The following KATNIP variants were observed in gnomAD, a reference collection of about 807,000 sequenced individuals.
KATNIP encodes the protein katanin interacting protein.
In KATNIP, 126 loss-of-function variants were observed where a neutral mutation model predicts 174.0. That is an observed-to-expected ratio of 0.72 (90% CI 0.63 to 0.84). KATNIP has a LOEUF of 0.84. KATNIP is among the 40% of genes least tolerant of loss of function. The pLI is 0.00. For missense variants in KATNIP, 1,958 were observed against 2,109.7 expected (o/e 0.93, Z 1.41); for synonymous variants, 810 against 835.7 (o/e 0.97, Z 0.53).
chr16:27,611,635 A>C (rs891843372), intron 2 of KATNIP, among the ~76,000 whole-genome samples: 2 of 152,186 alleles, frequency 1.3e-5, no homozygotes, highest in Admixed American at 6.5e-5. Context: ...GCAAGAAAGA[A>C]AATGATCCCA....
Position 27,631,087 on chromosome 16 carries a change from T to G in KATNIP, c.333T>G (p.Phe111Leu). 1 of 1,573,344 alleles carries G rather than the reference T, an allele frequency of 6.4e-7. No individual in the cohort carries two copies. The highest frequency in any genetic ancestry group is 1.8e-5 in the Admixed American group (1 of 54,150). The change falls in exon 5 of 28, where the codon TTT (phenylalanine) becomes TTG (leucine). Residue 111 changes from phenylalanine to leucine, a missense_variant. By Grantham distance (22) the Phe-to-Leu change is conservative. Around this residue, in one of 3 missense-constraint regions of KATNIP, gnomAD observed 1,557 missense variants for 1,617.8 expected, o/e 0.96. Coordinates refer to ENST00000261588, the MANE Select transcript of KATNIP (RefSeq NM_015202.5). ...GTHDYGRRTL[F>L]REAEEALRRS... The stretch of plus-strand genomic sequence containing the variant: ...CAGATTATGGACGAAGAACTCTGTT[T>G]CGAGAAGCTGAAGAAGCCTTAAGAC...
At chr16:27,557,511 G>A (rs548968428) in intron 1 of KATNIP, among the ~76,000 whole-genome samples, 9 of 149,420 alleles carry the variant, frequency 6.0e-5, no homozygotes, top group East Asian at 3.9e-4. Context: ...TCACTGGTGC[G>A]TCCATCTCCT....
rs2034977734 is a variant in KATNIP, at chr16:27,776,344, G to T, written c.4450-584G>T. ...CCCCTAATATCTGAGAGCTTTGGTTGGGGGTGGGGAGAGGGAGGGCTGTTT... is the reference window on the plus strand; with the variant it reads ...CCCCTAATATCTGAGAGCTTTGGTTTGGGGTGGGGAGAGGGAGGGCTGTTT... On this transcript the variant is annotated intron_variant, in intron 24 of 27. Transcript: ENST00000261588. The surrounding 1 kb of genome is among the most constrained non-coding windows in gnomAD (Gnocchi z 4.7). Among the ~76,000 whole-genome samples the T allele has an allele frequency of 1.3e-5, 2 of 152,088 alleles. No individual in the cohort carries two copies. The highest frequency in any genetic ancestry group is 2.9e-5 in the Non-Finnish European group (2 of 68,024).
At chr16:27,586,426 G>A (rs1291182146) in intron 2 of KATNIP, among the ~76,000 whole-genome samples, 1 of 151,838 alleles carries the variant, frequency 6.6e-6, no homozygotes, top group East Asian at 1.9e-4. Flanking sequence ...TGGCAACATA[G>A]TGAGACCCTG....
intron 10 of KATNIP, among the ~76,000 whole-genome samples, chr16:27,699,984 C>T (rs1313490349): frequency 2.0e-5 from 3 of 152,070 alleles, no homozygotes; most frequent in Non-Finnish European, 4.4e-5. Context: ...AATCTCGGCT[C>T]ACTACAACCT....
intron 1 of KATNIP, among the ~76,000 whole-genome samples, chr16:27,558,592 C>T (rs2089724794): frequency 6.6e-6 from 1 of 152,210 alleles, no homozygotes; most frequent in Admixed American, 6.5e-5. Context: ...TCCCCTTTCC[C>T]AAAGCAGTGT....
At position 27,740,914 on chromosome 16, in the gene KATNIP, A is replaced by T; in HGVS notation, c.2617A>T (p.Ser873Cys). The change falls in exon 15 of 28, where the codon AGC (serine) becomes TGC (cysteine). Residue 873 changes from serine to cysteine, a missense_variant. Around this residue, in one of 3 missense-constraint regions of KATNIP, gnomAD observed 1,557 missense variants for 1,617.8 expected, o/e 0.96. Transcript: ENST00000261588. ...TAGTCATGGGGACGACCAGCCAGCC[A>T]GCAGAGGTAAGCTCCAAAGAGCAGC... Reference protein sequence around the residue: ...SSSHGDDQPASREDTWSSRTP... With the variant: ...SSSHGDDQPACREDTWSSRTP... The T allele has an allele frequency of 6.3e-7, 1 of 1,590,100 alleles. No homozygotes were observed. Among genetic ancestry groups the T allele is most frequent in the African/African-American group, 1.3e-5 (1 of 74,868 alleles).
In KATNIP at chr16:27,597,402, CTTTTTTTTTTTTT is replaced by C. The variant is rs36005993; in HGVS notation, c.64-21006_64-20994del. 1.5e-4 allele frequency among the ~76,000 whole-genome samples: 7 copies of C among 46,144 alleles called. No individual in the cohort carries two copies. In the East Asian group the frequency reaches 3.7e-3, roughly 24 times the overall value. 30.3% of individuals were successfully genotyped at this position (46,144 alleles called of 152,430 possible). ...GGTATTTTTTAATGTATTTTCTTTT[CTTTTTTTTTTTTT>C]TTTTTTTTTTTTTTTTACCAGAAAT... On this transcript the variant is annotated intron_variant, in intron 2 of 27. Transcript: ENST00000261588.
At position 27,606,777 on chromosome 16, in the gene KATNIP, G is replaced by A. The variant is rs190562524; in HGVS notation, c.64-11648G>A. On this transcript the variant is annotated intron_variant, in intron 2 of 27. Coordinates refer to ENST00000261588, the MANE Select transcript of KATNIP (RefSeq NM_015202.5). ...AGTGGGATCTCACTATGTTGCCCAG[G>A]CTGGTCTCGATCTCCTGGGCTCAAG... is the stretch of plus-strand genomic sequence containing the variant. Among the ~76,000 whole-genome samples the A allele has an allele frequency of 1.1e-3, 172 of 151,740 alleles. 1 individual carries two copies. Among genetic ancestry groups the A allele is most frequent in the South Asian group, 0.01 (50 of 4,794 alleles).
intron 18 of KATNIP, chr16:27,757,535 C>T (rs1276443647): frequency 1.0e-6 from 1 of 985,096 alleles, no homozygotes; most frequent in African/African-American, 1.7e-5. Flanking sequence ...CAGCTCCTGA[C>T]CTTTCACAGA....
At chr16:27,715,309 T>C (rs562159304) in intron 13 of KATNIP, among the ~76,000 whole-genome samples, 1 of 152,278 alleles carries the variant, frequency 6.6e-6, no homozygotes, top group Non-Finnish European at 1.5e-5. Flanking sequence ...AAGACCTAAA[T>C]GTAAGAGCTA....
Position 27,567,138 on chromosome 16 carries a change from G to A in KATNIP, c.8-6763G>A, listed in dbSNP as rs58187197. On this transcript the variant is annotated intron_variant, in intron 1 of 27. Transcript: ENST00000261588. ...TGTGTTCTCTTTCCAGCAAGATTTG[G>A]GGTCCTGAGGTTCACGGAGGCTCCT... Among the ~76,000 whole-genome samples, 1,174 of 152,214 alleles carry A rather than the reference G, an allele frequency of 7.7e-3. 15 individuals are homozygous for A. The highest frequency in any genetic ancestry group is 0.027 in the African/African-American group (1,109 of 41,510).
chr16:27,561,538 G>C (rs926693347), intron 1 of KATNIP, among the ~76,000 whole-genome samples: 3 of 152,118 alleles, frequency 2.0e-5, no homozygotes, highest in Admixed American at 6.6e-5. Flanking sequence ...ACCACCCTTA[G>C]CAGTGGACCC....
In KATNIP at chr16:27,637,782, A is replaced by G. The variant is rs771504301; in HGVS notation, c.408+6620A>G. ...ACCACAGGAGGAAGTTTGGATTTCA[A>G]TCTAAATGTGAGAATTTCCAAGAGG... On this transcript the variant is annotated intron_variant, in intron 5 of 27. Transcript: ENST00000261588. The surrounding 1 kb of genome is among the most constrained non-coding windows in gnomAD (Gnocchi z 4.7). Among the ~76,000 whole-genome samples the G allele has an allele frequency of 1.8e-4, 27 of 152,194 alleles. No individual in the cohort carries two copies. The highest frequency in any genetic ancestry group is 2.0e-4 in the Admixed American group (3 of 15,284).
intron 2 of KATNIP, among the ~76,000 whole-genome samples, chr16:27,599,809 C>T (rs1596865450): frequency 1.3e-5 from 2 of 152,204 alleles, no homozygotes; most frequent in African/African-American, 4.8e-5. Context: ...CGTGGGCACG[C>T]GGTGTTTGTG....
intron 10 of KATNIP, among the ~76,000 whole-genome samples, chr16:27,700,987 G>T (rs2079077043): frequency 6.6e-6 from 1 of 152,146 alleles, no homozygotes; most frequent in Admixed American, 6.5e-5. Flanking sequence ...ATCGTCTGCA[G>T]ATGGACAGCA....
chr16:27,699,432 T>C, intron 9 of KATNIP, 102 bp from the exon 10 acceptor site: 1 of 1,535,634 alleles, frequency 6.5e-7, no homozygotes, highest in Non-Finnish European at 8.8e-7. Context: ...CTATGGTAGC[T>C]TGAGAAGGTC....
intron 21 of KATNIP, among the ~76,000 whole-genome samples, 154 bp from the exon 22 acceptor site, chr16:27,771,434 C>A (rs2082298119): frequency 6.6e-6 from 1 of 152,164 alleles, no homozygotes; most frequent in Non-Finnish European, 1.5e-5. Flanking sequence ...GCGGGAACTC[C>A]ACACGAGCAG....
At chr16:27,704,904 T>C (rs903394135) in intron 12 of KATNIP, among the ~76,000 whole-genome samples, 21 of 150,362 alleles carry the variant, frequency 1.4e-4, no homozygotes, top group Admixed American at 1.3e-3. Flanking sequence ...TTTCTTTTTT[T>C]TCTTTTTTTT....
Sources: allele counts gnomAD v4.1 joint callset (sites outside exome capture counted in the v4.1 genomes callset), GRCh38; gene constraint gnomAD v4.1.1; regional missense constraint gnomAD v4.1.1; non-coding constraint Gnocchi (gnomAD v3.1); transcripts MANE v1.5; gene names NCBI Gene and HGNC (gene_info 2026-07-23, HGNC 2026-07-21).